MTHFD1L: variants seen among roughly 807,000 people sequenced by gnomAD.
The protein encoded by MTHFD1L is monofunctional C1-tetrahydrofolate synthase, mitochondrial.
MTHFD1L carries 81 observed loss-of-function variants against 119.5 expected under a neutral mutation model. That is an observed-to-expected ratio of 0.68 (90% CI 0.57 to 0.82). The LOEUF (loss-of-function observed/expected upper bound fraction) is 0.82, where lower values mean the gene tolerates loss of function less well. MTHFD1L is among the 40% of genes least tolerant of loss of function. The pLI, the probability that MTHFD1L is intolerant of heterozygous loss-of-function variation, is 0.00. For missense variants in MTHFD1L, 1,125 were observed against 1,253.4 expected, an observed-to-expected ratio of 0.90 and a Z score of 1.55; for synonymous variants, 430 against 475.2, an observed-to-expected ratio of 0.90 and a Z score of 1.24.
chr6:150,958,898 T>C (rs575209414), intron 17 of MTHFD1L, among the ~76,000 whole-genome samples: 43 of 152,344 alleles, frequency 2.8e-4, no homozygotes, highest in African/African-American at 9.1e-4. Flanking sequence ...AATTTTGTAA[T>C]TGTAACAATT....
At chr6:151,036,319 G>A (rs1444163544) in intron 25 of MTHFD1L, among the ~76,000 whole-genome samples, 2 of 152,060 alleles carry the variant, frequency 1.3e-5, no homozygotes, top group Non-Finnish European at 2.9e-5. Context: ...GCCTCTAAAG[G>A]AACACTGTGT....
chr6:151,059,001 T>C (rs912265661), intron 26 of MTHFD1L, among the ~76,000 whole-genome samples: 4 of 150,590 alleles, frequency 2.7e-5, no homozygotes, highest in African/African-American at 9.8e-5. Flanking sequence ...GGAAATGTGT[T>C]GGTTTTTTAA....
chr6:150,912,703 T>A (rs1787122361), intron 8 of MTHFD1L: 1 of 516,270 alleles, frequency 1.9e-6, no homozygotes, highest in Non-Finnish European at 4.0e-6. Flanking sequence ...GGCCATCTTT[T>A]AAAGTGATTC....
chr6:150,901,238 G>T (rs1785057319), intron 7 of MTHFD1L, among the ~76,000 whole-genome samples: 2 of 152,054 alleles, frequency 1.3e-5, no homozygotes, highest in African/African-American at 4.8e-5. Flanking sequence ...GAAGGCCCAG[G>T]CGGGCAGATC....
intron 5 of MTHFD1L, 58 bp downstream of exon 5, chr6:150,882,944 C>A (rs1781605902): frequency 1.4e-6 from 2 of 1,430,248 alleles, no homozygotes; most frequent in East Asian, 2.6e-5. Flanking sequence ...TTCTATTGTG[C>A]CTGCTTTTAT....
chr6:150,873,658 T>C (rs1779918467), intron 1 of MTHFD1L, among the ~76,000 whole-genome samples: 1 of 152,054 alleles, frequency 6.6e-6, no homozygotes, highest in Admixed American at 6.6e-5. Context: ...TGAATCAGAC[T>C]TTCTAGGGCT....
Position 151,068,626 on chromosome 6 carries a change from T to G in MTHFD1L, c.2848-23841T>G, listed in dbSNP as rs543239461. ...CAGGAGACTCTGTAAATATTCTGAG[T>G]ATACATAGCCCAATTACTTTTGAAA... On this transcript the variant is annotated intron_variant, in intron 26 of 27. Coordinates refer to ENST00000367321, the MANE Select transcript of MTHFD1L (RefSeq NM_015440.5). Among the ~76,000 whole-genome samples the G allele has an allele frequency of 2.0e-5, 3 of 152,316 alleles. No individual in the cohort carries two copies. The South Asian group carries it at 6.2e-4, about 32-fold the overall frequency.
At chr6:150,894,342 G>A (rs1240787221) in intron 7 of MTHFD1L, among the ~76,000 whole-genome samples, 3 of 152,204 alleles carry the variant, frequency 2.0e-5, no homozygotes, top group African/African-American at 7.2e-5. Context: ...CTTCCATTGT[G>A]TGGGTGGGGG....
At chr6:151,000,158 G>T (rs555094714) in intron 20 of MTHFD1L, among the ~76,000 whole-genome samples, 1 of 152,146 alleles carries the variant, frequency 6.6e-6, no homozygotes, top group African/African-American at 2.4e-5. Flanking sequence ...GCCACATGGT[G>T]AAACCCCGTC....
At chr6:151,066,046 GC>G (rs1791193930) in intron 26 of MTHFD1L, among the ~76,000 whole-genome samples, 1 of 152,284 alleles carries the variant, frequency 6.6e-6, no homozygotes, top group East Asian at 1.9e-4. Flanking sequence ...ATAGGATTCT[GC>G]CCCCATGGGA....
chr6:150,907,372 T>G (rs568259507), intron 8 of MTHFD1L, among the ~76,000 whole-genome samples: 52 of 152,254 alleles, frequency 3.4e-4, no homozygotes, highest in Non-Finnish European at 7.1e-4. Flanking sequence ...AATGATTCTC[T>G]GGGGGAAAAA....
intron 20 of MTHFD1L, among the ~76,000 whole-genome samples, chr6:150,982,746 C>T (rs1777719753): frequency 6.6e-6 from 1 of 151,456 alleles, no homozygotes; most frequent in African/African-American, 2.4e-5. Context: ...GTTGCCCAGG[C>T]TGGCGTGCAG....
chr6:150,876,886 A>G (rs530237638), intron 2 of MTHFD1L, among the ~76,000 whole-genome samples: 10 of 152,380 alleles, frequency 6.6e-5, no homozygotes, highest in African/African-American at 2.4e-4. Context: ...GCTGTGCTCA[A>G]GTTACTTACA....
intron 13 of MTHFD1L, among the ~76,000 whole-genome samples, chr6:150,943,382 GCACTTTGCGGGGC>G (rs1180275596): frequency 6.6e-6 from 1 of 152,094 alleles, no homozygotes. Context: ...TGGAATCCTA[GCACTTTGCGGGGC>G]TGAAGCGAGA....
chr6:151,082,589 G>A (rs1218720439), intron 26 of MTHFD1L, among the ~76,000 whole-genome samples: 1 of 149,592 alleles, frequency 6.7e-6, no homozygotes, highest in Non-Finnish European at 1.5e-5. Flanking sequence ...TTTTTTTTTT[G>A]GTTTAAGCTA....
In MTHFD1L at chr6:151,042,426, G is replaced by T. The variant is rs1466002295; in HGVS notation, c.2847+5309G>T. Among the ~76,000 whole-genome samples the T allele has an allele frequency of 5.9e-5, 9 of 152,242 alleles. No individual in the cohort carries two copies. In the East Asian group the frequency reaches 7.7e-4, roughly 13 times the overall value. ...TGATATGGGAAGAAACAAGCAAGTTGTTTTTTAAGGTTTTCCAACCCTATA... is the reference window on the plus strand; with the variant it reads ...TGATATGGGAAGAAACAAGCAAGTTTTTTTTTAAGGTTTTCCAACCCTATA... On this transcript the variant is annotated intron_variant, in intron 26 of 27. Coordinates refer to ENST00000367321, the MANE Select transcript of MTHFD1L (RefSeq NM_015440.5).
intron 13 of MTHFD1L, among the ~76,000 whole-genome samples, chr6:150,942,249 G>C (rs892918951): frequency 8.5e-5 from 13 of 152,132 alleles, no homozygotes; most frequent in African/African-American, 3.1e-4. Flanking sequence ...ACAAGAGCGA[G>C]ACTCCGTCTC....
intron 27 of MTHFD1L, among the ~76,000 whole-genome samples, chr6:151,098,200 A>G (rs182735906): frequency 6.6e-6 from 1 of 152,184 alleles, no homozygotes; most frequent in East Asian, 1.9e-4. Flanking sequence ...TATCAATACA[A>G]GGGAAAAATG....
chr6:150,908,089 G>C (rs1337185456), intron 8 of MTHFD1L, among the ~76,000 whole-genome samples: 2 of 146,938 alleles, frequency 1.4e-5, no homozygotes, highest in African/African-American at 2.5e-5. Flanking sequence ...TGTATTTTTA[G>C]TAGAAGTGTG....
Sources: gnomAD v4.1 joint callset for allele counts (sites outside exome capture counted in the v4.1 genomes callset) on GRCh38, gnomAD v4.1.1 for gene constraint, MANE v1.5 for transcripts, NCBI Gene and HGNC (gene_info 2026-07-23, HGNC 2026-07-21) for gene names.